Variants in FHOD3 observed in about 807,000 individuals in gnomAD.
FHOD3 encodes FH1/FH2 domain-containing protein 3.
FHOD3 carries 90 observed loss-of-function variants against 173.0 expected under a neutral mutation model. The ratio of observed to expected loss-of-function variants is 0.52; its 90% CI spans 0.44 to 0.62. The LOEUF (loss-of-function observed/expected upper bound fraction) is 0.62, where lower values mean the gene tolerates loss of function less well. FHOD3 is among the 20% of genes least tolerant of loss of function. The pLI, the probability that FHOD3 is intolerant of heterozygous loss-of-function variation, is 0.00. For synonymous variants in FHOD3, 828 were observed against 823.0 expected, an observed-to-expected ratio of 1.01 and a Z score of -0.10; for missense variants, 1,945 against 2,034.7, an observed-to-expected ratio of 0.96 and a Z score of 0.85.
rs576323156 is a variant in FHOD3, at chr18:36,776,319, G to A, written c.4787-3129G>A. On this transcript the variant is annotated intron_variant, in intron 28 of 28. Coordinates refer to ENST00000590592, the MANE Select transcript of FHOD3 (RefSeq NM_001281740.3). ...GCCTTTCTCCCCAGAGGCTCCCATC[G>A]CAGAGGCTCAGGGTGTACATGTACA... Among the ~76,000 whole-genome samples, 24 of 152,064 alleles carry A rather than the reference G, an allele frequency of 1.6e-4. No individual in the cohort carries two copies. The South Asian group carries it at 2.7e-3, about 17-fold the overall frequency.
chr18:36,631,931 T>A (rs550988879), intron 10 of FHOD3, among the ~76,000 whole-genome samples: 10 of 152,354 alleles, frequency 6.6e-5, no homozygotes, highest in Non-Finnish European at 1.3e-4. Context: ...ATTAAAAAAT[T>A]ATTGCTAATG....
chr18:36,593,751 C>A (rs1013800582), intron 6 of FHOD3, among the ~76,000 whole-genome samples: 8 of 152,194 alleles, frequency 5.3e-5, no homozygotes, highest in Admixed American at 4.6e-4. Context: ...CAACAAACAC[C>A]TTCCAGCTCC....
chr18:36,747,089 G>A lies in FHOD3; in HGVS notation c.4186G>A (p.Glu1396Lys). The change falls in exon 24 of 29, where the codon GAG becomes AAG. Residue 1396 changes from glutamate to lysine, a missense_variant. By Grantham distance (56) the Glu-to-Lys change is moderately conservative (BLOSUM62 1). This residue lies in a region of FHOD3 where 354 missense variants were observed against 359.9 expected (regional missense o/e 0.98). Transcript: ENST00000590592. ...GTCAGAGTTCCTGAAAGACTGTGCA[G>A]AGCGAATTATAATTTTAAAGATTGT... ...RMSEFLKDCA[E>K]RIIILKIVHR... 6.2e-7 allele frequency: 1 copy of A among 1,613,154 alleles called. No homozygotes were observed. The highest frequency in any genetic ancestry group is 8.5e-7 in the Non-Finnish European group (1 of 1,179,790).
chr18:36,361,924 C>T (rs561291942), intron 2 of FHOD3, among the ~76,000 whole-genome samples: 23 of 152,246 alleles, frequency 1.5e-4, no homozygotes, highest in African/African-American at 5.5e-4. Flanking sequence ...AGTTGAGAAC[C>T]ACTGCGTGAG....
chr18:36,631,789 G>T (rs2034532883), intron 10 of FHOD3, among the ~76,000 whole-genome samples: 1 of 152,130 alleles, frequency 6.6e-6, no homozygotes, highest in African/African-American at 2.4e-5. Context: ...CCTTATTTCT[G>T]TTATTCTGTG....
At position 36,719,724 on chromosome 18, in the gene FHOD3, A is replaced by G. The variant is rs56276931; in HGVS notation, c.3417+1009A>G. 3.2e-3 allele frequency among the ~76,000 whole-genome samples: 493 copies of G among 152,308 alleles called. 3 individuals carry two copies. The highest frequency in any genetic ancestry group is 0.011 in the African/African-American group (467 of 41,558). On this transcript the variant is annotated intron_variant, in intron 19 of 28. Transcript: ENST00000590592. ...AACTGTCTGAGTCAGGTTTCCAGCAATGCCATTTGGGCACCAATTCTGTAT... is the reference window on the plus strand; with the variant it reads ...AACTGTCTGAGTCAGGTTTCCAGCAGTGCCATTTGGGCACCAATTCTGTAT...
chr18:36,556,220 C>A (rs2057877382), intron 5 of FHOD3, among the ~76,000 whole-genome samples: 1 of 152,060 alleles, frequency 6.6e-6, no homozygotes, highest in Non-Finnish European at 1.5e-5. Flanking sequence ...GTTTATAGTA[C>A]AGTTGACCCT....
intron 10 of FHOD3, among the ~76,000 whole-genome samples, chr18:36,642,991 A>G (rs970856134): frequency 1.3e-5 from 2 of 150,872 alleles, no homozygotes; most frequent in Non-Finnish European, 3.0e-5. Flanking sequence ...GATTTTCTGC[A>G]CTTTGTTGTA....
At chr18:36,548,091 C>T (rs2057487311) in intron 5 of FHOD3, among the ~76,000 whole-genome samples, 1 of 152,208 alleles carries the variant, frequency 6.6e-6, no homozygotes, top group South Asian at 2.1e-4. Context: ...ACTTGGGAGG[C>T]TGAGGCAGGA....
At chr18:36,616,253 C>T (rs1460374435) in intron 9 of FHOD3, among the ~76,000 whole-genome samples, 1 of 152,230 alleles carries the variant, frequency 6.6e-6, no homozygotes, top group Non-Finnish European at 1.5e-5. Context: ...CCTTCCATCT[C>T]TTAGATTCTG....
At chr18:36,584,850 A>C (rs562694943) in intron 6 of FHOD3, among the ~76,000 whole-genome samples, 1 of 151,194 alleles carries the variant, frequency 6.6e-6, no homozygotes, top group East Asian at 2.0e-4. Context: ...ACATTTACTG[A>C]ATTTTTTTGT....
intron 11 of FHOD3, among the ~76,000 whole-genome samples, chr18:36,650,545 C>T (rs1014561800): frequency 5.3e-5 from 8 of 152,174 alleles, no homozygotes; most frequent in African/African-American, 1.9e-4. Context: ...AAACAGAGAC[C>T]CTGCCGTGCT....
At chr18:36,474,333 G>A (rs956167553) in intron 3 of FHOD3, among the ~76,000 whole-genome samples, 1 of 152,144 alleles carries the variant, frequency 6.6e-6, no homozygotes, top group Non-Finnish European at 1.5e-5. Context: ...AGGGATATGC[G>A]CATGATGGTG....
chr18:36,583,061 A>G (rs1240670292), intron 6 of FHOD3, among the ~76,000 whole-genome samples: 2 of 152,246 alleles, frequency 1.3e-5, no homozygotes. Context: ...AAAAATGAAT[A>G]AGCAGATCTT....
intron 6 of FHOD3, among the ~76,000 whole-genome samples, chr18:36,588,356 C>T (rs1055199697): frequency 1.3e-5 from 2 of 152,080 alleles, no homozygotes; most frequent in Non-Finnish European, 2.9e-5. Flanking sequence ...TATAGTAATA[C>T]TTGTATATTC....
chr18:36,673,899 T>C (rs562614457), intron 14 of FHOD3, among the ~76,000 whole-genome samples: 1 of 152,310 alleles, frequency 6.6e-6, no homozygotes, highest in East Asian at 1.9e-4. Flanking sequence ...CCCTCTGATA[T>C]ATATATTTTG....
chr18:36,555,214 A>T (rs1422384199), intron 5 of FHOD3, among the ~76,000 whole-genome samples: 1 of 152,132 alleles, frequency 6.6e-6, no homozygotes, highest in Non-Finnish European at 1.5e-5. Flanking sequence ...AGCATCCCAT[A>T]CATTTTGATA....
At chr18:36,743,850 A>G (rs2042025394) in intron 22 of FHOD3, among the ~76,000 whole-genome samples, 182 bp from the exon 23 acceptor site, 1 of 152,162 alleles carries the variant, frequency 6.6e-6, no homozygotes, top group South Asian at 2.1e-4. Context: ...AGGCTCCCTC[A>G]TTCTCAGGGT....
intron 19 of FHOD3, among the ~76,000 whole-genome samples, chr18:36,722,719 C>T (rs1478206045): frequency 2.0e-5 from 3 of 152,104 alleles, no homozygotes; most frequent in Non-Finnish European, 2.9e-5. Context: ...ATCCTCCCAC[C>T]TCAGCTTCCC....
Sources: allele counts gnomAD v4.1 joint callset (sites outside exome capture counted in the v4.1 genomes callset), GRCh38; gene constraint gnomAD v4.1.1; regional missense constraint gnomAD v4.1.1; transcripts MANE v1.5; gene names NCBI Gene and HGNC (gene_info 2026-07-23, HGNC 2026-07-21).